CSGALNACT2: variants seen among roughly 807,000 people sequenced by gnomAD.
CSGALNACT2 encodes the protein beta 4 GalNAcT-2.
In CSGALNACT2, 35 loss-of-function variants were observed where a neutral mutation model predicts 55.3. The ratio of observed to expected loss-of-function variants is 0.63; its 90% confidence interval spans 0.48 to 0.84. CSGALNACT2 has a LOEUF of 0.84. Among genes scored for constraint, CSGALNACT2 ranks in the 40% least tolerant of loss-of-function variants. The pLI is 0.00. For synonymous variants in CSGALNACT2, 196 were observed against 224.9 expected, an observed-to-expected ratio of 0.87 and a Z score of 1.15; for missense variants, 544 against 657.5, an observed-to-expected ratio of 0.83 and a Z score of 1.89.
At chr10:43,142,817 GCTAT>G (rs1369567850) in intron 1 of CSGALNACT2, among the ~76,000 whole-genome samples, 2 of 152,196 alleles carry the variant, frequency 1.3e-5, no homozygotes, top group African/African-American at 4.8e-5. Flanking sequence ...GCAAGAATTA[GCTAT>G]CTATTTGAGG....
chr10:43,160,670 TTAA>T, intron 4 of CSGALNACT2, 75 bp downstream of exon 4: 2 of 731,848 alleles, frequency 2.7e-6, no homozygotes, highest in Non-Finnish European at 4.8e-6. Context: ...ATGTAATGAG[TTAA>T]TAATTTTTAG....
At chr10:43,158,384 A>T (rs1387765098) in intron 2 of CSGALNACT2, among the ~76,000 whole-genome samples, 1 of 152,104 alleles carries the variant, frequency 6.6e-6, no homozygotes, top group Non-Finnish European at 1.5e-5. Flanking sequence ...CTAGATTTTA[A>T]TATTGCTAGA....
chr10:43,145,410 C>CTTTTTTT (rs71016727), intron 1 of CSGALNACT2, among the ~76,000 whole-genome samples: 1 of 99,416 alleles, frequency 1.0e-5, no homozygotes, highest in Non-Finnish European at 1.9e-5. Context: ...TTGTTTGTTT[C>CTTTTTTT]TTTTTTTTTT....
chr10:43,178,552 C>T (rs1275146157), intron 7 of CSGALNACT2, among the ~76,000 whole-genome samples: 4 of 144,754 alleles, frequency 2.8e-5, no homozygotes, highest in African/African-American at 1.0e-4. Context: ...ACCTGGGAGG[C>T]GGAGTTTGCA....
chr10:43,143,057 CAG>C (rs1838664470), intron 1 of CSGALNACT2, among the ~76,000 whole-genome samples: 1 of 152,260 alleles, frequency 6.6e-6, no homozygotes, highest in African/African-American at 2.4e-5. Context: ...TCCCACTTAA[CAG>C]AGGAGGAAAC....
At chr10:43,147,415 A>G (rs1353063156) in intron 1 of CSGALNACT2, among the ~76,000 whole-genome samples, 1 of 152,214 alleles carries the variant, frequency 6.6e-6, no homozygotes, top group Non-Finnish European at 1.5e-5. Flanking sequence ...TGCTTTGCCC[A>G]TATTTTCTCC....
chr10:43,154,313 C>G (rs914506237), intron 1 of CSGALNACT2, among the ~76,000 whole-genome samples: 9 of 152,174 alleles, frequency 5.9e-5, no homozygotes, highest in Non-Finnish European at 1.3e-4. Flanking sequence ...AATTAGAGAA[C>G]AGTAGAATAT....
chr10:43,172,697 A>G (rs1317290630), intron 6 of CSGALNACT2, among the ~76,000 whole-genome samples: 2 of 152,244 alleles, frequency 1.3e-5, no homozygotes, highest in Non-Finnish European at 2.9e-5. Context: ...CCTAACAGAT[A>G]TGGCTGTTGC....
chr10:43,146,247 C>G (rs1838744865), intron 1 of CSGALNACT2, among the ~76,000 whole-genome samples: 1 of 151,982 alleles, frequency 6.6e-6, no homozygotes, highest in Non-Finnish European at 1.5e-5. Context: ...CAGCCAAAGG[C>G]CCAAGAGCCC....
At chr10:43,167,762 A>C (rs962692237) in intron 6 of CSGALNACT2, among the ~76,000 whole-genome samples, 1 of 152,128 alleles carries the variant, frequency 6.6e-6, no homozygotes. Context: ...TTTTTCTACT[A>C]ATGTCCTTTT....
At chr10:43,154,726 CAA>C (rs369196889) in intron 1 of CSGALNACT2, among the ~76,000 whole-genome samples, 169 bp from the exon 2 acceptor site, 8 of 99,858 alleles carry the variant, frequency 8.0e-5, no homozygotes, top group Admixed American at 2.1e-4. Flanking sequence ...GACTCCATCT[CAA>C]AAAAAAAAAA....
chr10:43,155,245 G>A lies in CSGALNACT2; in HGVS notation c.96G>A (p.Leu32=). 6.2e-7 allele frequency: 1 copy of A among 1,614,068 alleles called. No individual in the cohort carries two copies. Among genetic ancestry groups the A allele is most frequent in the South Asian group, 1.1e-5 (1 of 91,076 alleles). The change falls in exon 2 of 8, where the codon CTG becomes CTA. Residue 32 remains leucine, a synonymous_variant. Transcript: ENST00000374466. ...LCSLVLFMYL[L]ECAPQTDGNA... ...GTTTGGTATTATTTATGTACCTCCT[G>A]GAATGTGCCCCCCAGACTGATGGAA...
In CSGALNACT2 at chr10:43,183,556, G is replaced by A. The variant is rs373481820; in HGVS notation, c.*14G>A. The A allele has an allele frequency of 2.6e-5, 42 of 1,610,128 alleles. 1 individual carries two copies. The highest frequency in any genetic ancestry group is 2.0e-4 in the Admixed American group (12 of 59,988). On this transcript the variant is annotated 3_prime_UTR_variant, in exon 8 of 8. Transcript: ENST00000374466. The stretch of plus-strand genomic sequence containing the variant: ...GCTGTTGGTTGAAATCATAATTAAT[G>A]CGTTACTGTATGAACCACAAAACAG...
At chr10:43,174,334 C>T (rs1215232313) in intron 6 of CSGALNACT2, among the ~76,000 whole-genome samples, 1 of 152,168 alleles carries the variant, frequency 6.6e-6, no homozygotes, top group Non-Finnish European at 1.5e-5. Context: ...GCAGCAATTT[C>T]AGACTGTGCC....
chr10:43,158,749 G>C lies in CSGALNACT2; in HGVS notation c.696G>C (p.Gln232His). Residue 232 changes from glutamine (Q) to histidine (H), a missense_variant, in exon 3 of 8, where the codon CAG (glutamine) becomes CAC (histidine). Gln to His is a conservative substitution (Grantham distance 24). Around this residue, in one of 2 missense-constraint regions of CSGALNACT2, gnomAD observed 374 missense variants for 401.3 expected, o/e 0.93. Coordinates refer to ENST00000374466, the MANE Select transcript of CSGALNACT2 (RefSeq NM_018590.5). Reference sequence around the variant, plus strand: ...GCACTGAGAGAGATAAGGGCACACAGTATGAACTCTTTTTTAAGAAAGCAG... The same window carrying C: ...GCACTGAGAGAGATAAGGGCACACACTATGAACTCTTTTTTAAGAAAGCAG... ...YYRTERDKGT[Q>H]YELFFKKADL... 6.2e-7 allele frequency: 1 copy of C among 1,611,152 alleles called. No individual in the cohort carries two copies. The highest frequency in any genetic ancestry group is 8.5e-7 in the Non-Finnish European group (1 of 1,177,472).
intron 5 of CSGALNACT2, among the ~76,000 whole-genome samples, chr10:43,164,730 C>G (rs922424181): frequency 6.6e-6 from 1 of 151,176 alleles, no homozygotes; most frequent in African/African-American, 2.4e-5. Context: ...GCCTGTAGTC[C>G]TAGCTACTCG....
At chr10:43,153,518 A>T (rs1042358120) in intron 1 of CSGALNACT2, among the ~76,000 whole-genome samples, 1 of 151,860 alleles carries the variant, frequency 6.6e-6, no homozygotes, top group Admixed American at 6.6e-5. Context: ...AAAAATACGC[A>T]TTGCAGCATT....
At chr10:43,176,144 G>A (rs768969174) in intron 7 of CSGALNACT2, 112 bp downstream of exon 7, 5 of 754,562 alleles carry the variant, frequency 6.6e-6, no homozygotes, top group Non-Finnish European at 1.0e-5. Context: ...AGTGTCTAAG[G>A]TTAGCTAAAA....
rs17158591 is a variant in CSGALNACT2, at chr10:43,163,645, C to T, written c.981-221C>T. The T allele has an allele frequency of 9.7e-4, 952 of 985,312 alleles. 5 individuals carry two copies. The African/African-American group carries it at 0.016, about 16-fold the overall frequency. 61.0% of individuals were successfully genotyped at this position (985,312 alleles called of 1,614,324 possible). A position where few individuals can be genotyped will look rare whatever the true frequency, so the allele number is the denominator to read the frequency against. Reference sequence around the variant, plus strand: ...AGTGGCCACTTTAACACTTTTGGAGCCTCATACCACCAACATGTGCCTCAA... The same window carrying T: ...AGTGGCCACTTTAACACTTTTGGAGTCTCATACCACCAACATGTGCCTCAA... On this transcript the variant is annotated intron_variant, in intron 4 of 7. Transcript: ENST00000374466.
Sources: gnomAD v4.1 joint callset for allele counts (sites outside exome capture counted in the v4.1 genomes callset) on GRCh38, gnomAD v4.1.1 for gene constraint, gnomAD v4.1.1 regional missense constraint, MANE v1.5 for transcripts, NCBI Gene and HGNC (gene_info 2026-07-23, HGNC 2026-07-21) for gene names.